IL1RAPL2: variants seen among roughly 807,000 people sequenced by gnomAD.
IL1RAPL2 encodes interleukin 1 receptor accessory protein like 2.
In IL1RAPL2, 3 loss-of-function variants were observed where a neutral mutation model predicts 44.1. The observed-to-expected ratio is 0.07, with a 90% CI of 0.03 to 0.18. The LOEUF is 0.18. Ranked by LOEUF, IL1RAPL2 falls within the 10% of genes least tolerant of loss-of-function variation. The pLI, the probability that IL1RAPL2 is intolerant of heterozygous loss-of-function variation, is 1.00. For missense variants in IL1RAPL2, 391 were observed against 496.4 expected, an observed-to-expected ratio of 0.79 and a Z score of 2.02; for synonymous variants, 181 against 178.8, an observed-to-expected ratio of 1.01 and a Z score of -0.10.
intron 2 of IL1RAPL2, among the ~76,000 whole-genome samples, chrX:105,138,167 A>C (rs1049693482): frequency 1.8e-5 from 2 of 111,653 alleles, no homozygotes; most frequent in Non-Finnish European, 3.8e-5. Flanking sequence ...CTGCCTGCCT[A>C]TGCTTGGTCA....
At chrX:105,038,228 T>C (rs1276893827) in intron 2 of IL1RAPL2, among the ~76,000 whole-genome samples, 1 of 111,017 alleles carries the variant, frequency 9.0e-6, no homozygotes, top group Non-Finnish European at 1.9e-5. Flanking sequence ...AGTTCACCAA[T>C]GACCATCATT....
intron 2 of IL1RAPL2, among the ~76,000 whole-genome samples, chrX:104,714,228 A>G (rs765659726): frequency 9.0e-6 from 1 of 111,252 alleles, no homozygotes; most frequent in African/African-American, 3.3e-5. Context: ...GCTTTTGCCC[A>G]TTCAGTATGA....
chrX:105,271,966 A>G (rs1200834546), intron 5 of IL1RAPL2, among the ~76,000 whole-genome samples: 1 of 109,741 alleles, frequency 9.1e-6, no homozygotes, highest in Non-Finnish European at 1.9e-5. Context: ...TTCTAGATAT[A>G]CAATCATGTC....
intron 5 of IL1RAPL2, among the ~76,000 whole-genome samples, chrX:105,296,767 C>G (rs2034657381): frequency 8.9e-6 from 1 of 111,951 alleles, no homozygotes; most frequent in African/African-American, 3.2e-5. Flanking sequence ...GCCATTTGAT[C>G]TCTCTGGTTA....
intron 2 of IL1RAPL2, among the ~76,000 whole-genome samples, chrX:104,764,984 A>T (rs188171115): frequency 8.9e-6 from 1 of 111,831 alleles, no homozygotes; most frequent in African/African-American, 3.2e-5. Flanking sequence ...TTTTTGCATA[A>T]ATGTTCATCA....
At chrX:104,593,219 C>G (rs1928702266) in intron 1 of IL1RAPL2, among the ~76,000 whole-genome samples, 1 of 111,764 alleles carries the variant, frequency 8.9e-6, no homozygotes, top group African/African-American at 3.2e-5. Flanking sequence ...TACTCTATCA[C>G]TGAGCTTCTT....
chrX:105,747,486 G>C (rs2038555016), intron 8 of IL1RAPL2, among the ~76,000 whole-genome samples: 1 of 72,423 alleles, frequency 1.4e-5, no homozygotes, highest in Middle Eastern at 6.3e-3. Flanking sequence ...CTCTCTGTGT[G>C]TGTGTATGTG....
chrX:105,617,131 T>G (rs2037383385), intron 6 of IL1RAPL2, among the ~76,000 whole-genome samples: 1 of 111,311 alleles, frequency 9.0e-6, no homozygotes. Context: ...CAGTAGCTGC[T>G]GTTACTTGCA....
intron 3 of IL1RAPL2, among the ~76,000 whole-genome samples, chrX:105,200,651 C>T (rs1279418340): frequency 8.9e-6 from 1 of 111,823 alleles, no homozygotes; most frequent in East Asian, 2.8e-4. Context: ...GTGGCTCGTG[C>T]CTATAATCCC....
Position 105,440,928 on chromosome X carries a change from C to A in IL1RAPL2, c.698-43385C>A, listed in dbSNP as rs183145801. On this transcript the variant is annotated intron_variant, in intron 5 of 10. Transcript: ENST00000372582. ...TCCCCTGCACAAGCTCTCTTGTCTA[C>A]CACCATGTAAGATGTGTCTGGCTTC... Among the ~76,000 whole-genome samples, 504 of 111,785 alleles carry A rather than the reference C, an allele frequency of 4.5e-3. 1 individual carries two copies. The highest frequency in any genetic ancestry group is 0.019 in the Middle Eastern group (4 of 216).
chrX:104,865,715 C>T (rs1922598370), intron 2 of IL1RAPL2, among the ~76,000 whole-genome samples: 1 of 112,538 alleles, frequency 8.9e-6, no homozygotes, highest in Non-Finnish European at 1.9e-5. Flanking sequence ...GTGCTGGATG[C>T]TTCCTACCCT....
chrX:104,986,508 A>C (rs182255133), intron 2 of IL1RAPL2, among the ~76,000 whole-genome samples: 40 of 112,553 alleles, frequency 3.6e-4, no homozygotes, highest in African/African-American at 1.3e-3. Context: ...GTGTGTCTAC[A>C]AAAGTAGAAC....
intron 2 of IL1RAPL2, among the ~76,000 whole-genome samples, chrX:104,937,605 A>G (rs922726223): frequency 8.9e-6 from 1 of 112,412 alleles, no homozygotes; most frequent in African/African-American, 3.2e-5. Context: ...CCTTCCAGCA[A>G]CATCACTACA....
chrX:105,671,728 ATTAT>A (rs1316710957), intron 6 of IL1RAPL2, among the ~76,000 whole-genome samples: 4 of 111,821 alleles, frequency 3.6e-5, no homozygotes, highest in Non-Finnish European at 5.6e-5. Context: ...ATTTTTAGGC[ATTAT>A]TTATTTGAGT....
At chrX:104,768,045 T>C (rs1005745008) in intron 2 of IL1RAPL2, among the ~76,000 whole-genome samples, 1 of 112,091 alleles carries the variant, frequency 8.9e-6, no homozygotes, top group African/African-American at 3.2e-5. Context: ...TATATGTCAA[T>C]TAAAAGTAAC....
intron 2 of IL1RAPL2, among the ~76,000 whole-genome samples, chrX:104,903,278 TATC>T (rs903743430): frequency 1.8e-5 from 2 of 112,154 alleles, no homozygotes; most frequent in Non-Finnish European, 3.8e-5. Context: ...TGCATTAAGT[TATC>T]ATTTTATATA....
intron 6 of IL1RAPL2, among the ~76,000 whole-genome samples, chrX:105,533,709 C>A (rs1411219218): frequency 1.8e-5 from 2 of 112,003 alleles, no homozygotes; most frequent in East Asian, 5.6e-4. Context: ...GTATGTATAC[C>A]TTTGAGATAA....
Position 104,991,245 on chromosome X carries a change from T to C in IL1RAPL2, c.83-204230T>C, listed in dbSNP as rs144496085. ...ATAGTAATACATTAGTACATTTAAG[T>C]TATTAAGTAACCCAGGCAAAGGAAG... On this transcript the variant is annotated intron_variant, in intron 2 of 10. Transcript: ENST00000372582. 3.6e-5 allele frequency among the ~76,000 whole-genome samples: 4 copies of C among 111,640 alleles called. No individual in the cohort carries two copies. The East Asian group carries it at 1.1e-3, about 32-fold the overall frequency.
At chrX:105,174,758 G>T (rs1043416876) in intron 2 of IL1RAPL2, among the ~76,000 whole-genome samples, 3 of 111,489 alleles carry the variant, frequency 2.7e-5, no homozygotes, top group Non-Finnish European at 5.6e-5. Flanking sequence ...CACCCTGTAC[G>T]CTCTGGCTGA....
Sources: gnomAD v4.1 joint callset for allele counts (sites outside exome capture counted in the v4.1 genomes callset) on GRCh38, gnomAD v4.1.1 for gene constraint, MANE v1.5 for transcripts, NCBI Gene and HGNC (gene_info 2026-07-23, HGNC 2026-07-21) for gene names.